The following ZNF469 variants were observed in gnomAD, a reference collection of about 807,000 sequenced individuals.
ZNF469 encodes zinc finger protein 469.
ZNF469 carries 1 observed loss-of-function variant against 1.0 expected under a neutral mutation model. The ratio of observed to expected loss-of-function variants is 1.00; its 90% confidence interval spans 0.35 to 4.73. The LOEUF is 4.73. ZNF469 is among the 30% of genes most tolerant of loss of function. The probability of loss-of-function intolerance (pLI) is 0.16; values close to 1 mark genes in which losing one functional copy is unlikely to be tolerated. For synonymous variants in ZNF469, 2,703 were observed against 2,363.4 expected (o/e 1.14, Z -4.17); for missense variants, 6,100 against 5,356.3 (o/e 1.14, Z -4.33).
At chr16:88,333,707 T>TTCTTCCCACGGAAGGCATTTC in the ZNF469 span, among the ~76,000 whole-genome samples, 10,769 of 152,236 alleles carry the variant, frequency 0.071, 450 homozygotes, top group East Asian at 0.15. Flanking sequence ...GAAGGCATTT[T>TTCTTCCCACGGAAGGCATTTC]CATTCTTCCC....
At chr16:88,291,854 G>A in the ZNF469 span, among the ~76,000 whole-genome samples, 75 of 152,116 alleles carry the variant, frequency 4.9e-4, no homozygotes, top group Non-Finnish European at 8.5e-4. Flanking sequence ...ACCCAGGTCC[G>A]TCCTCCCTGG....
chr16:88,185,555 TCACA>T, the ZNF469 span, among the ~76,000 whole-genome samples: 8 of 148,874 alleles, frequency 5.4e-5, no homozygotes, highest in South Asian at 4.3e-4. Context: ...ACATTCGCAC[TCACA>T]CACACGTGAA....
At chr16:88,101,649 G>A in the ZNF469 span, among the ~76,000 whole-genome samples, 2 of 151,896 alleles carry the variant, frequency 1.3e-5, no homozygotes, top group Admixed American at 6.6e-5. Flanking sequence ...AGTCCACAGC[G>A]AATCTGAGGC....
At chr16:88,179,746 T>C in the ZNF469 span, among the ~76,000 whole-genome samples, 2 of 152,260 alleles carry the variant, frequency 1.3e-5, no homozygotes, top group South Asian at 2.1e-4. Context: ...ATGTGGATTA[T>C]ATCTTTAAAA....
In ZNF469 at chr16:88,436,614, G is replaced by T; in HGVS notation, c.9144G>T (p.Val3048=). Reference sequence around the variant, plus strand: ...CGCTCCGTGCCACGGACTTTGAGGTGCTCAGCACCAAGTTTGAGATGCAAG... The same window carrying T: ...CGCTCCGTGCCACGGACTTTGAGGTTCTCAGCACCAAGTTTGAGATGCAAG... ...LLPLRATDFE[V]LSTKFEMQDL... is the part of the protein sequence containing the mutation. The change falls in exon 3 of 3, where the codon GTG becomes GTT. Residue 3048 remains valine (V), a synonymous_variant. Coordinates refer to ENST00000565624, the MANE Select transcript of ZNF469 (RefSeq NM_001367624.2). The T allele has an allele frequency of 6.5e-7, 1 of 1,550,350 alleles. No individual in the cohort carries two copies.
intron 1 of ZNF469, among the ~76,000 whole-genome samples, chr16:88,406,634 C>T (rs1018780404): frequency 6.6e-6 from 1 of 152,204 alleles, no homozygotes; most frequent in African/African-American, 2.4e-5. Flanking sequence ...CAGCTGACCC[C>T]ACGCGCCTGC....
At chr16:88,106,884 TG>T in the ZNF469 span, among the ~76,000 whole-genome samples, 1 of 150,894 alleles carries the variant, frequency 6.6e-6, no homozygotes, top group Non-Finnish European at 1.5e-5. Context: ...TCAGGAGGGG[TG>T]GCAGCAACGC....
the ZNF469 span, among the ~76,000 whole-genome samples, chr16:88,321,656 G>T: frequency 6.6e-6 from 1 of 152,084 alleles, no homozygotes; most frequent in Non-Finnish European, 1.5e-5. Context: ...GTGACCCTCG[G>T]ATTCTGCTCA....
chr16:88,351,804 A>G, the ZNF469 span, among the ~76,000 whole-genome samples: 2 of 151,310 alleles, frequency 1.3e-5, no homozygotes, highest in Non-Finnish European at 1.5e-5. Context: ...GCCACCACCC[A>G]CCACCCTCTC....
At chr16:88,117,168 TG>T in the ZNF469 span, among the ~76,000 whole-genome samples, 4 of 147,278 alleles carry the variant, frequency 2.7e-5, no homozygotes, top group African/African-American at 1.0e-4. Context: ...GTGTGAGAAC[TG>T]GGGGCATGTG....
At position 88,434,923 on chromosome 16, in the gene ZNF469, C is replaced by T. The variant is rs1329208122; in HGVS notation, c.7453C>T (p.Pro2485Ser). The T allele has an allele frequency of 3.2e-6, 5 of 1,550,180 alleles. No individual in the cohort carries two copies. The South Asian group carries it at 5.9e-5, about 18-fold the overall frequency. Reference sequence around the variant, plus strand: ...CTGCGCAGCCTCCTTCCGCTCCGGGCCGGGCCTGAGCCGGCACAAGGCCAG... The same window carrying T: ...CTGCGCAGCCTCCTTCCGCTCCGGGTCGGGCCTGAGCCGGCACAAGGCCAG... The part of the protein sequence containing the change: ...EVCAASFRSG[P>S]GLSRHKARKH... The change falls in exon 3 of 3, where the codon CCG becomes TCG. Residue 2485 changes from proline to serine, a missense_variant. Pro to Ser is a moderately conservative substitution (Grantham distance 74, BLOSUM62 -1). Transcript: ENST00000565624.
the ZNF469 span, chr16:88,178,695 C>G: frequency 6.6e-6 from 1 of 152,208 alleles, no homozygotes; most frequent in Non-Finnish European, 1.5e-5. Context: ...TTGTTTTGTG[C>G]AGACTTGGGC....
chr16:88,380,851 C>G (rs532863221), upstream of ZNF469, among the ~76,000 whole-genome samples: 1 of 150,278 alleles, frequency 6.7e-6, no homozygotes, highest in Non-Finnish European at 1.5e-5. Context: ...CAGACATGCA[C>G]TCACATGCAC....
chr16:88,185,763 G>C, the ZNF469 span, among the ~76,000 whole-genome samples: 50 of 146,486 alleles, frequency 3.4e-4, no homozygotes, highest in Admixed American at 5.4e-4. Flanking sequence ...CAGACCCACA[G>C]ACACATTCGC....
chr16:88,134,527 C>T, the ZNF469 span, among the ~76,000 whole-genome samples: 1 of 152,242 alleles, frequency 6.6e-6, no homozygotes, highest in Non-Finnish European at 1.5e-5. Context: ...TCCATCTTTG[C>T]ATATGTATCT....
upstream of ZNF469, among the ~76,000 whole-genome samples, chr16:88,379,339 G>A (rs925524304): frequency 1.3e-5 from 2 of 152,180 alleles, no homozygotes; most frequent in Admixed American, 6.5e-5. Context: ...GACCACCCGG[G>A]AGCCTTCCAG....
At chr16:88,414,711 G>T (rs894169197) in intron 1 of ZNF469, among the ~76,000 whole-genome samples, 1 of 152,238 alleles carries the variant, frequency 6.6e-6, no homozygotes, top group Non-Finnish European at 1.5e-5. Context: ...ACGTCCCAGT[G>T]GGGGGTAACT....
chr16:88,341,815 G>A, the ZNF469 span, among the ~76,000 whole-genome samples: 2,028 of 152,274 alleles, frequency 0.013, 49 homozygotes, highest in African/African-American at 0.046. Flanking sequence ...GGGGCTGGGC[G>A]GGTGACTGGA....
At chr16:88,391,661 G>T (rs1904495880) in intron 1 of ZNF469, among the ~76,000 whole-genome samples, 1 of 152,238 alleles carries the variant, frequency 6.6e-6, no homozygotes, top group Non-Finnish European at 1.5e-5. Context: ...AGGCGGCGGG[G>T]AGCAGTGCGG....
Sources: allele counts gnomAD v4.1 joint callset (sites outside exome capture counted in the v4.1 genomes callset), GRCh38; gene constraint gnomAD v4.1.1; transcripts MANE v1.5; gene names NCBI Gene and HGNC (gene_info 2026-07-23, HGNC 2026-07-21).